Variants in DSCAML1 observed in about 807,000 individuals in gnomAD.
DSCAML1 encodes the protein cell adhesion molecule DSCAML1.
In DSCAML1, 38 loss-of-function variants were observed where a neutral mutation model predicts 200.5. The observed-to-expected ratio is 0.19, with a 90% confidence interval of 0.15 to 0.25. DSCAML1 has a LOEUF of 0.25. DSCAML1 is among the 10% of genes least tolerant of loss of function. The probability of loss-of-function intolerance (pLI) is 1.00; values close to 1 mark genes in which losing one functional copy is unlikely to be tolerated. For missense variants in DSCAML1, 2,223 were observed against 2,858.8 expected, an observed-to-expected ratio of 0.78 and a Z score of 5.07; for synonymous variants, 1,215 against 1,165.0, an observed-to-expected ratio of 1.04 and a Z score of -0.87.
chr11:117,442,827 AC>A (rs942447590), intron 21 of DSCAML1, among the ~76,000 whole-genome samples: 2 of 152,010 alleles, frequency 1.3e-5, no homozygotes, highest in Non-Finnish European at 2.9e-5. Flanking sequence ...AAGAGCCCTG[AC>A]TTGGCGCTGG....
At chr11:117,748,542 A>T (rs1417862138) in intron 3 of DSCAML1, among the ~76,000 whole-genome samples, 1 of 152,140 alleles carries the variant, frequency 6.6e-6, no homozygotes, top group African/African-American at 2.4e-5. Context: ...GTGTACTGTG[A>T]ATGCACCATC....
In DSCAML1 at chr11:117,490,868, C is replaced by T. The variant is rs1174108800; in HGVS notation, c.2360-8706G>A. On this transcript the variant is annotated intron_variant, in intron 11 of 32. Coordinates refer to ENST00000651296, the MANE Select transcript of DSCAML1 (RefSeq NM_020693.4). ...GTGGGGGATTTTGAAAGAGGCTGAA[C>T]ACTGGAGGAGGTCCGGGCTAGCAGG... 5.3e-5 allele frequency among the ~76,000 whole-genome samples: 8 copies of T among 152,204 alleles called. No homozygotes were observed. In the East Asian group the frequency reaches 1.3e-3, roughly 26 times the overall value.
At chr11:117,669,892 G>A (rs1437046354) in intron 3 of DSCAML1, among the ~76,000 whole-genome samples, 1 of 152,230 alleles carries the variant, frequency 6.6e-6, no homozygotes, top group African/African-American at 2.4e-5. Context: ...GGCATGAGAT[G>A]GGCTCAAAGA....
chr11:117,553,819 C>T (rs1240093774), intron 3 of DSCAML1, among the ~76,000 whole-genome samples: 1 of 152,264 alleles, frequency 6.6e-6, no homozygotes, highest in Non-Finnish European at 1.5e-5. Flanking sequence ...CCCACAAGAA[C>T]TGAAGCCGGG....
At chr11:117,718,027 C>T (rs888660252) in intron 3 of DSCAML1, among the ~76,000 whole-genome samples, 6 of 152,216 alleles carry the variant, frequency 3.9e-5, no homozygotes, top group African/African-American at 1.2e-4. Flanking sequence ...AGCTCAACAG[C>T]TCCCAAGTCT....
chr11:117,557,091 G>C (rs2050572332), intron 3 of DSCAML1, among the ~76,000 whole-genome samples: 1 of 152,106 alleles, frequency 6.6e-6, no homozygotes, highest in African/African-American at 2.4e-5. Context: ...AGCCATAAAG[G>C]GATTCTTCTG....
intron 16 of DSCAML1, among the ~76,000 whole-genome samples, chr11:117,465,397 C>A (rs763321189): frequency 2.0e-5 from 3 of 152,226 alleles, no homozygotes; most frequent in Non-Finnish European, 2.9e-5. Context: ...CCCCTCGCTT[C>A]CTGCGCCCCA....
At chr11:117,528,421 G>A (rs1020289379) in intron 4 of DSCAML1, among the ~76,000 whole-genome samples, 54 of 152,342 alleles carry the variant, frequency 3.5e-4, no homozygotes, top group Middle Eastern at 3.4e-3. Flanking sequence ...ATGCTGCGGC[G>A]TGTACATGGC....
chr11:117,545,614 AG>A (rs1321039699), intron 3 of DSCAML1, among the ~76,000 whole-genome samples: 1 of 152,182 alleles, frequency 6.6e-6, no homozygotes, highest in Non-Finnish European at 1.5e-5. Context: ...ACCAGGCTTC[AG>A]GCTGTACTGT....
In DSCAML1 at chr11:117,465,065, T is replaced by G. The variant is rs753380179; in HGVS notation, c.3142A>C (p.Ser1048Arg). 1.2e-6 allele frequency: 2 copies of G among 1,614,130 alleles called. No individual in the cohort carries two copies. Among genetic ancestry groups the G allele is most frequent in the South Asian group, 2.2e-5 (2 of 91,070 alleles). ...SIVEMKATGD[S>R]EVYTLDNLKK... is the part of the protein sequence containing the mutation. ...AGGTTGTCCAGGGTGTAGACCTCGC[T>G]GTCCCCCGTGGCCTTCATCTCCACG... Residue 1048 changes from serine to arginine, a missense_variant, in exon 17 of 33, where the codon AGC (serine) becomes CGC (arginine). This residue lies in a region of DSCAML1 where 438 missense variants were observed against 629.7 expected (regional missense o/e 0.70). Coordinates refer to ENST00000651296, the MANE Select transcript of DSCAML1 (RefSeq NM_020693.4).
intron 3 of DSCAML1, among the ~76,000 whole-genome samples, chr11:117,564,641 CTCTT>C (rs546519684): frequency 1.5e-3 from 224 of 152,208 alleles, no homozygotes; most frequent in Admixed American, 4.3e-3. Context: ...CTCTCTCTCT[CTCTT>C]TCTTTCTTTC....
intron 3 of DSCAML1, among the ~76,000 whole-genome samples, chr11:117,737,111 C>T (rs989566298): frequency 6.6e-5 from 10 of 152,192 alleles, no homozygotes; most frequent in East Asian, 3.9e-4. Context: ...AAGAAGGCAA[C>T]GCTGTCCAGC....
intron 11 of DSCAML1, 123 bp from the exon 12 acceptor site, chr11:117,482,285 A>C (rs2048944238): frequency 8.6e-7 from 1 of 1,168,718 alleles, no homozygotes; most frequent in Non-Finnish European, 1.2e-6. Context: ...CCAATAAAGG[A>C]GTACAGGGAA....
At position 117,440,407 on chromosome 11, in the gene DSCAML1, G is replaced by A. The variant is rs573434542; in HGVS notation, c.3863-471C>T. Among the ~76,000 whole-genome samples, 3 of 152,316 alleles carry A rather than the reference G, an allele frequency of 2.0e-5. No homozygotes were observed. The East Asian group carries it at 5.8e-4, about 29-fold the overall frequency. On this transcript the variant is annotated intron_variant, in intron 21 of 32. Coordinates refer to ENST00000651296, the MANE Select transcript of DSCAML1 (RefSeq NM_020693.4). ...TTGAAGGTTAAGAAAGACTTTATAA[G>A]CAGGGAAGGAGACACATGTCAAGAA...
At position 117,430,927 on chromosome 11, in the gene DSCAML1, G is replaced by T; in HGVS notation, c.5481C>A (p.Ala1827=). The change falls in exon 32 of 33, where the codon GCC becomes GCA. Residue 1827 remains alanine (A), a synonymous_variant. Coordinates refer to ENST00000651296, the MANE Select transcript of DSCAML1 (RefSeq NM_020693.4). ...TGAAGCACTCGGTGATCTCAAACTT[G>T]GCGTGCTGCAGCTGCTCCTCCAGCT... The part of the protein sequence containing the change: ...HAKLEEQLQH[A]KFEITECFIS... The T allele has an allele frequency of 6.2e-7, 1 of 1,614,156 alleles. No individual in the cohort carries two copies. Among genetic ancestry groups the T allele is most frequent in the Non-Finnish European group, 8.5e-7 (1 of 1,180,028 alleles).
chr11:117,645,668 C>A (rs1456971083), intron 3 of DSCAML1, among the ~76,000 whole-genome samples: 1 of 145,848 alleles, frequency 6.9e-6, no homozygotes, highest in African/African-American at 2.6e-5. Context: ...CCAAACACCG[C>A]ATATTCTCAC....
chr11:117,474,057 T>A (rs1056380806), intron 14 of DSCAML1, among the ~76,000 whole-genome samples: 1 of 152,142 alleles, frequency 6.6e-6, no homozygotes, highest in Non-Finnish European at 1.5e-5. Flanking sequence ...GGGAGGAGAC[T>A]GGGGCGGTGT....
intron 15 of DSCAML1, among the ~76,000 whole-genome samples, chr11:117,471,600 CAGAT>C (rs1040225378): frequency 6.6e-6 from 1 of 152,206 alleles, no homozygotes; most frequent in African/African-American, 2.4e-5. Flanking sequence ...CCCTATCTTG[CAGAT>C]AGATCTTTCC....
intron 3 of DSCAML1, among the ~76,000 whole-genome samples, chr11:117,644,814 A>G (rs1374992888): frequency 5.3e-5 from 8 of 152,212 alleles, no homozygotes; most frequent in Non-Finnish European, 1.0e-4. Flanking sequence ...ACCAGGGACT[A>G]TGGTTGGTGT....
Sources: gnomAD v4.1 joint callset for allele counts (sites outside exome capture counted in the v4.1 genomes callset) on GRCh38, gnomAD v4.1.1 for gene constraint, gnomAD v4.1.1 regional missense constraint, MANE v1.5 for transcripts, NCBI Gene and HGNC (gene_info 2026-07-23, HGNC 2026-07-21) for gene names.